The following MDGA2 variants were observed in gnomAD, a reference collection of about 807,000 sequenced individuals.
MDGA2 encodes the protein MAM domain containing glycosylphosphatidylinositol anchor 2.
Under a neutral mutation model 117.8 loss-of-function variants are expected in MDGA2, and 40 were observed. The ratio of observed to expected loss-of-function variants is 0.34; its 90% CI spans 0.26 to 0.44. The LOEUF (loss-of-function observed/expected upper bound fraction) is 0.44. Ranked by LOEUF, MDGA2 falls within the 20% of genes least tolerant of loss-of-function variation. The probability of loss-of-function intolerance (pLI) is 1.00; values close to 1 mark genes in which losing one functional copy is unlikely to be tolerated. For synonymous variants in MDGA2, 452 were observed against 439.0 expected (o/e 1.03, Z -0.37); for missense variants, 1,123 against 1,250.6 (o/e 0.90, Z 1.54).
intron 1 of MDGA2, among the ~76,000 whole-genome samples, chr14:47,651,353 A>AC (rs1897640922): frequency 1.3e-5 from 2 of 152,088 alleles, no homozygotes; most frequent in African/African-American, 4.8e-5. Context: ...AGCACACACA[A>AC]AGACTCTGAG....
At position 47,096,942 on chromosome 14, in the gene MDGA2, G is replaced by C; in HGVS notation, c.1107C>G (p.Ile369Met). 5 of 1,613,316 alleles carry C rather than the reference G, an allele frequency of 3.1e-6. No individual in the cohort carries two copies. The highest frequency in any genetic ancestry group is 4.2e-6 in the Non-Finnish European group (5 of 1,179,456). Reference protein sequence around the residue: ...LNGGTLTIPAITSDDAGTYSC... With the variant: ...LNGGTLTIPAMTSDDAGTYSC... ...TGTAAGTACCAGCATCATCTGAGGTGATGGCAGGTATGGTCAAAGTTCCTC... is the reference window on the plus strand; with the variant it reads ...TGTAAGTACCAGCATCATCTGAGGTCATGGCAGGTATGGTCAAAGTTCCTC... The change falls in exon 6 of 17, where the codon ATC becomes ATG. Residue 369 changes from isoleucine (I) to methionine (M), a missense_variant. This residue lies in a region of MDGA2 where 890 missense variants were observed against 1,050.3 expected (regional missense o/e 0.85). Coordinates refer to ENST00000399232, the MANE Select transcript of MDGA2 (RefSeq NM_001113498.3).
At chr14:47,550,912 C>A (rs1895568316) in intron 1 of MDGA2, among the ~76,000 whole-genome samples, 1 of 152,122 alleles carries the variant, frequency 6.6e-6, no homozygotes, top group Non-Finnish European at 1.5e-5. Flanking sequence ...AGCATTCACA[C>A]TGAGAGTGGC....
chr14:47,170,410 C>A (rs1044988086), intron 3 of MDGA2, among the ~76,000 whole-genome samples: 1 of 152,062 alleles, frequency 6.6e-6, no homozygotes, highest in African/African-American at 2.4e-5. Flanking sequence ...TGAAACTGTA[C>A]AGGCATTTGA....
At chr14:47,200,800 C>T in intron 3 of MDGA2, 1 of 806,424 alleles carries the variant, frequency 1.2e-6, no homozygotes, top group Non-Finnish European at 2.1e-6. Flanking sequence ...TTGCAGGCTT[C>T]AAACGCACGA....
At position 47,106,816 on chromosome 14, in the gene MDGA2, A is replaced by G. The variant is rs1171791082; in HGVS notation, c.926-9693T>C. On this transcript the variant is annotated intron_variant, in intron 5 of 16. Transcript: ENST00000399232. ...TCAAGGGCCCGTTTCCCTTGCTTCC[A>G]TAACTGTTGTGGGTATTGACGGCCA... is the stretch of plus-strand genomic sequence containing the variant. Among the ~76,000 whole-genome samples, 16 of 142,616 alleles carry G rather than the reference A, an allele frequency of 1.1e-4. 3 individuals are homozygous for G. Among genetic ancestry groups the G allele is most frequent in the Non-Finnish European group, 1.9e-4 (12 of 64,094 alleles). The allele number at this position is 142,616 out of a possible 152,430, so 93.6% of individuals were successfully genotyped here.
rs562091860 is a variant in MDGA2 at position 47,363,345 on chromosome 14, C to CCT, written c.281-61797_281-61796dup. 2.0e-3 allele frequency among the ~76,000 whole-genome samples: 299 copies of CCT among 152,238 alleles called. 3 individuals are homozygous for CCT. The highest frequency in any genetic ancestry group is 6.7e-3 in the African/African-American group (280 of 41,520). On this transcript the variant is annotated intron_variant, in intron 1 of 16. Coordinates refer to ENST00000399232, the MANE Select transcript of MDGA2 (RefSeq NM_001113498.3). ...CGATCTCAGCTCACTGCAACCTCTG[C>CCT]CTCCCGGGTTCAAGCAATTCTCCTG... is the stretch of plus-strand genomic sequence containing the variant.
At chr14:47,168,323 C>A (rs1343964979) in intron 3 of MDGA2, among the ~76,000 whole-genome samples, 1 of 147,944 alleles carries the variant, frequency 6.8e-6, no homozygotes, top group Non-Finnish European at 1.5e-5. Context: ...ATCTTGACCA[C>A]AATTAAATGT....
At chr14:47,571,136 C>T (rs1896010904) in intron 1 of MDGA2, among the ~76,000 whole-genome samples, 1 of 152,106 alleles carries the variant, frequency 6.6e-6, no homozygotes, top group South Asian at 2.1e-4. Context: ...ATTTATGCAG[C>T]CAACAAACAT....
intron 1 of MDGA2, among the ~76,000 whole-genome samples, chr14:47,550,720 T>A (rs75600130): frequency 1.5e-4 from 23 of 152,330 alleles, no homozygotes; most frequent in African/African-American, 5.1e-4. Context: ...TTGTAAACAC[T>A]GCCCCTGCAT....
intron 1 of MDGA2, among the ~76,000 whole-genome samples, chr14:47,520,215 A>G (rs935406628): frequency 6.6e-6 from 1 of 152,144 alleles, no homozygotes; most frequent in African/African-American, 2.4e-5. Context: ...TGCATTCACA[A>G]TGTACTATTC....
intron 3 of MDGA2, chr14:47,200,906 C>A: frequency 2.4e-6 from 2 of 847,042 alleles, no homozygotes; most frequent in East Asian, 2.5e-5. Flanking sequence ...GGCCTGGCCT[C>A]GCTTGGTCTT....
At chr14:47,324,094 A>G (rs573625735) in intron 1 of MDGA2, among the ~76,000 whole-genome samples, 2 of 152,046 alleles carry the variant, frequency 1.3e-5, no homozygotes, top group Admixed American at 1.3e-4. Context: ...AAATATAAAA[A>G]ATTAGCCAGG....
chr14:47,281,757 T>C (rs1287269706), intron 2 of MDGA2, among the ~76,000 whole-genome samples: 2 of 152,282 alleles, frequency 1.3e-5, no homozygotes, highest in Non-Finnish European at 2.9e-5. Context: ...GAAATTCATC[T>C]GTAAAGAAGA....
chr14:47,013,047 G>C (rs961427742), intron 8 of MDGA2, among the ~76,000 whole-genome samples: 2 of 152,060 alleles, frequency 1.3e-5, no homozygotes, highest in Admixed American at 6.6e-5. Flanking sequence ...CAGGATGGTG[G>C]TTGTTAACCA....
intron 10 of MDGA2, among the ~76,000 whole-genome samples, chr14:46,911,068 G>A (rs1025890501): frequency 3.9e-5 from 6 of 151,994 alleles, no homozygotes; most frequent in Admixed American, 2.0e-4. Flanking sequence ...CCTGGGTGAT[G>A]AAATAATCTT....
intron 1 of MDGA2, among the ~76,000 whole-genome samples, chr14:47,438,195 T>C (rs1483724158): frequency 6.6e-6 from 1 of 152,162 alleles, no homozygotes; most frequent in Non-Finnish European, 1.5e-5. Flanking sequence ...TAGCTTCCTA[T>C]TACATTTGCA....
chr14:47,257,775 A>G (rs57096795), intron 2 of MDGA2, among the ~76,000 whole-genome samples: 6,759 of 152,256 alleles, frequency 0.044, 171 homozygotes, highest in African/African-American at 0.064. Flanking sequence ...GGCCTCAGAA[A>G]GAGAACCTGA....
chr14:47,069,829 CAAATA>C lies in MDGA2; in HGVS notation c.1196-8256_1196-8252del, dbSNP rs542402740. Among the ~76,000 whole-genome samples, 406 of 152,016 alleles carry C rather than the reference CAAATA, an allele frequency of 2.7e-3. 3 individuals are homozygous for C. Among genetic ancestry groups the C allele is most frequent in the Non-Finnish European group, 4.1e-3 (278 of 67,958 alleles). On this transcript the variant is annotated intron_variant, in intron 6 of 16. Transcript: ENST00000399232. Reference sequence around the variant, plus strand: ...ATGTTTTCATTTTAACACTACAGACCAAATAAAATAACTTAGATATACTGAATGAC... The same window carrying C: ...ATGTTTTCATTTTAACACTACAGACCAAATAACTTAGATATACTGAATGAC...
At chr14:47,120,316 C>T (rs1222744052) in intron 5 of MDGA2, among the ~76,000 whole-genome samples, 1 of 152,060 alleles carries the variant, frequency 6.6e-6, no homozygotes, top group Non-Finnish European at 1.5e-5. Flanking sequence ...AAAAAAATTC[C>T]TGTGACACAG....
Sources: gnomAD v4.1 joint callset for allele counts (sites outside exome capture counted in the v4.1 genomes callset) on GRCh38, gnomAD v4.1.1 for gene constraint, gnomAD v4.1.1 regional missense constraint, MANE v1.5 for transcripts, NCBI Gene and HGNC (gene_info 2026-07-23, HGNC 2026-07-21) for gene names.